The following NRXN1 variants were observed in gnomAD, a reference collection of about 807,000 sequenced individuals.
NRXN1 encodes the protein neurexin-1.
A neutral mutation model predicts 150.9 loss-of-function variants in NRXN1; 39 were observed. That is an observed-to-expected ratio of 0.26 (90% CI 0.20 to 0.34). NRXN1 has a LOEUF of 0.34. Ranked by LOEUF, NRXN1 falls within the 10% of genes least tolerant of loss-of-function variation. The pLI is 1.00. For synonymous variants in NRXN1, 924 were observed against 757.0 expected, an observed-to-expected ratio of 1.22 and a Z score of -3.62; for missense variants, 1,815 against 1,949.9, an observed-to-expected ratio of 0.93 and a Z score of 1.30.
chr2:50,101,459 C>G (rs532635207), intron 18 of NRXN1, among the ~76,000 whole-genome samples: 40 of 151,988 alleles, frequency 2.6e-4, no homozygotes, highest in Admixed American at 1.2e-3. Context: ...TTCCAGGAGA[C>G]CTGACTATAT....
chr2:50,754,993 T>C (rs1452273678), intron 5 of NRXN1, among the ~76,000 whole-genome samples: 1 of 151,860 alleles, frequency 6.6e-6, no homozygotes, highest in Non-Finnish European at 1.5e-5. Flanking sequence ...TAATGTTCAC[T>C]AGTATCTCCC....
chr2:50,048,140 A>T (rs747950844), intron 21 of NRXN1, among the ~76,000 whole-genome samples: 1 of 152,316 alleles, frequency 6.6e-6, no homozygotes, highest in East Asian at 1.9e-4. Flanking sequence ...TGTTGCTTAC[A>T]CGCATTTAAA....
intron 17 of NRXN1, among the ~76,000 whole-genome samples, chr2:50,456,102 A>G (rs1321090010): frequency 6.6e-6 from 1 of 152,194 alleles, no homozygotes; most frequent in African/African-American, 2.4e-5. Context: ...TTATATATTT[A>G]TAAGAAGTGT....
chr2:50,006,567 G>A (rs1172998270), intron 21 of NRXN1, among the ~76,000 whole-genome samples: 1 of 152,074 alleles, frequency 6.6e-6, no homozygotes, highest in Non-Finnish European at 1.5e-5. Flanking sequence ...TCCCTGACCT[G>A]ATGTATGAAT....
intron 17 of NRXN1, among the ~76,000 whole-genome samples, chr2:50,241,056 A>T (rs1166229507): frequency 6.6e-6 from 1 of 151,648 alleles, no homozygotes; most frequent in Non-Finnish European, 1.5e-5. Context: ...TTTGTAGCAC[A>T]GATTAGGACT....
chr2:50,360,786 C>T (rs1171997114), intron 17 of NRXN1, among the ~76,000 whole-genome samples: 1 of 152,152 alleles, frequency 6.6e-6, no homozygotes, highest in African/African-American at 2.4e-5. Context: ...CCAGAACTCT[C>T]CACCCCAAAT....
At chr2:50,858,165 C>T (rs541528574) in intron 5 of NRXN1, among the ~76,000 whole-genome samples, 6 of 151,696 alleles carry the variant, frequency 4.0e-5, no homozygotes, top group Non-Finnish European at 7.4e-5. Flanking sequence ...TAAATCTCAA[C>T]AGGCTGGTTG....
intron 5 of NRXN1, among the ~76,000 whole-genome samples, chr2:50,632,039 A>G (rs1180928659): frequency 1.3e-5 from 2 of 151,992 alleles, no homozygotes; most frequent in Non-Finnish European, 2.9e-5. Context: ...GTAAATTATA[A>G]TAATGTTATT....
At chr2:50,956,100 T>C (rs534457141) in intron 2 of NRXN1, among the ~76,000 whole-genome samples, 1 of 152,298 alleles carries the variant, frequency 6.6e-6, no homozygotes, top group South Asian at 2.1e-4. Flanking sequence ...TTGTCTCCCT[T>C]ATCCACATTT....
At chr2:49,961,051 T>A (rs1675849622) in intron 21 of NRXN1, among the ~76,000 whole-genome samples, 1 of 152,028 alleles carries the variant, frequency 6.6e-6, no homozygotes, top group Non-Finnish European at 1.5e-5. Flanking sequence ...AATGATTTAT[T>A]TAATTAAAAT....
At chr2:50,472,837 A>G (rs1162120721) in intron 15 of NRXN1, among the ~76,000 whole-genome samples, 1,740 of 126,608 alleles carry the variant, frequency 0.014, 37 homozygotes, top group African/African-American at 0.053. Context: ...GTGTATATAT[A>G]TATATAAGTT....
At chr2:50,552,213 T>C (rs925180996) in intron 9 of NRXN1, among the ~76,000 whole-genome samples, 3 of 152,174 alleles carry the variant, frequency 2.0e-5, no homozygotes, top group Non-Finnish European at 2.9e-5. Flanking sequence ...TCATATTTTA[T>C]ATTTGCCACT....
At chr2:51,001,912 G>T (rs1700127164) in intron 2 of NRXN1, among the ~76,000 whole-genome samples, 1 of 151,914 alleles carries the variant, frequency 6.6e-6, no homozygotes, top group African/African-American at 2.4e-5. Flanking sequence ...AGATATTCAG[G>T]TGAAAGATAC....
At chr2:50,112,257 C>T (rs993400639) in intron 18 of NRXN1, among the ~76,000 whole-genome samples, 4 of 152,198 alleles carry the variant, frequency 2.6e-5, no homozygotes, top group African/African-American at 4.8e-5. Flanking sequence ...CTGTGCAAAA[C>T]ACTTTATCTT....
intron 8 of NRXN1, among the ~76,000 whole-genome samples, chr2:50,567,825 C>T (rs548172241): frequency 1.4e-4 from 21 of 152,012 alleles, no homozygotes; most frequent in Non-Finnish European, 2.6e-4. Context: ...AAAATAATGA[C>T]GAACACAGAG....
At chr2:50,186,552 C>A (rs545257888) in intron 18 of NRXN1, among the ~76,000 whole-genome samples, 3 of 152,096 alleles carry the variant, frequency 2.0e-5, no homozygotes, top group East Asian at 3.9e-4. Context: ...TCTTCTATAA[C>A]CTTTTCATCA....
chr2:50,614,798 G>A (rs1678804274), intron 8 of NRXN1, among the ~76,000 whole-genome samples: 1 of 147,510 alleles, frequency 6.8e-6, no homozygotes, highest in African/African-American at 2.5e-5. Flanking sequence ...CCACAGAAGT[G>A]CATAAATTGA....
intron 8 of NRXN1, among the ~76,000 whole-genome samples, chr2:50,570,125 T>C (rs931414545): frequency 1.3e-5 from 2 of 152,176 alleles, no homozygotes; most frequent in Admixed American, 6.5e-5. Flanking sequence ...ATTGATATTT[T>C]GGAGGGATCT....
chr2:50,075,105 T>C (rs1416317613), intron 19 of NRXN1, among the ~76,000 whole-genome samples: 1 of 152,226 alleles, frequency 6.6e-6, no homozygotes, highest in Middle Eastern at 3.2e-3. Context: ...ACAAACAATT[T>C]ATATGTATAG....
Sources: allele counts gnomAD v4.1 joint callset (sites outside exome capture counted in the v4.1 genomes callset), GRCh38; gene constraint gnomAD v4.1.1; transcripts MANE v1.5; gene names NCBI Gene and HGNC (gene_info 2026-07-23, HGNC 2026-07-21).